EYS: variants seen among roughly 807,000 people sequenced by gnomAD.
The protein encoded by EYS is EGF-like photoreceptor maintenance factor.
EYS carries 250 observed loss-of-function variants against 282.1 expected under a neutral mutation model. That is an observed-to-expected ratio of 0.89 (90% CI 0.80 to 0.98). The LOEUF (loss-of-function observed/expected upper bound fraction) is 0.98, where lower values mean the gene tolerates loss of function less well. Among genes scored for constraint, EYS ranks in the 50% least tolerant of loss-of-function variants. The pLI, the probability that EYS is intolerant of heterozygous loss-of-function variation, is 0.00. For synonymous variants in EYS, 1,355 were observed against 1,282.9 expected, an observed-to-expected ratio of 1.06 and a Z score of -1.20; for missense variants, 4,016 against 3,709.0, an observed-to-expected ratio of 1.08 and a Z score of -2.15.
chr6:63,808,136 C>T (rs1168979654), intron 36 of EYS, among the ~76,000 whole-genome samples: 2 of 152,132 alleles, frequency 1.3e-5, no homozygotes, highest in Non-Finnish European at 2.9e-5. Context: ...AAGCACTAGT[C>T]ACTCAAGGGA....
At chr6:64,500,043 T>A (rs1776991055) in intron 26 of EYS, among the ~76,000 whole-genome samples, 1 of 152,044 alleles carries the variant, frequency 6.6e-6, no homozygotes. Context: ...CAAATTTATA[T>A]GGGGTATAAA....
chr6:63,993,088 C>T (rs1465641899), intron 34 of EYS, among the ~76,000 whole-genome samples: 1 of 151,728 alleles, frequency 6.6e-6, no homozygotes, highest in African/African-American at 2.4e-5. Flanking sequence ...AGATAACAAT[C>T]ACAGGATCAT....
chr6:65,623,660 G>T (rs567034800), intron 2 of EYS, among the ~76,000 whole-genome samples: 1 of 152,266 alleles, frequency 6.6e-6, no homozygotes, highest in South Asian at 2.1e-4. Context: ...AATCAGTTCA[G>T]TTCAGAGTCT....
At chr6:65,564,603 C>T (rs1208532121) in intron 2 of EYS, among the ~76,000 whole-genome samples, 1 of 152,116 alleles carries the variant, frequency 6.6e-6, no homozygotes. Context: ...CCCTTCCTTA[C>T]ACCTTATACA....
intron 22 of EYS, among the ~76,000 whole-genome samples, chr6:64,722,302 T>A (rs932245107): frequency 6.6e-6 from 1 of 151,930 alleles, no homozygotes. Flanking sequence ...GAAATCAGAA[T>A]CCTGGGCAGT....
chr6:65,227,052 T>C (rs888066081), intron 12 of EYS, among the ~76,000 whole-genome samples: 3 of 151,144 alleles, frequency 2.0e-5, no homozygotes, highest in African/African-American at 7.3e-5. Flanking sequence ...CTGATCAAAA[T>C]AGAGAATCCC....
intron 31 of EYS, among the ~76,000 whole-genome samples, chr6:64,116,206 G>T (rs1457785654): frequency 6.6e-6 from 1 of 152,026 alleles, no homozygotes; most frequent in Middle Eastern, 3.2e-3. Context: ...GTCATTTGAA[G>T]ACGTCCAAAA....
intron 30 of EYS, among the ~76,000 whole-genome samples, chr6:64,237,321 G>T (rs1582467313): frequency 6.6e-6 from 1 of 152,138 alleles, no homozygotes; most frequent in East Asian, 1.9e-4. Context: ...AACCCCTTTT[G>T]CAGGTAATGT....
intron 30 of EYS, among the ~76,000 whole-genome samples, chr6:64,281,598 A>G (rs888640666): frequency 4.6e-5 from 7 of 152,112 alleles, no homozygotes; most frequent in Non-Finnish European, 7.4e-5. Flanking sequence ...CATTGACTTG[A>G]CATTTTCAAA....
At chr6:65,055,121 A>G (rs1450836131) in intron 13 of EYS, among the ~76,000 whole-genome samples, 1 of 152,054 alleles carries the variant, frequency 6.6e-6, no homozygotes, top group African/African-American at 2.4e-5. Flanking sequence ...AGCTAGGACC[A>G]CAAGCATGCC....
intron 31 of EYS, among the ~76,000 whole-genome samples, chr6:64,129,119 G>T (rs1773881634): frequency 6.6e-6 from 1 of 152,186 alleles, no homozygotes. Flanking sequence ...CAGCACAGTT[G>T]AGTAGTTGGA....
rs201076128 is a variant in EYS at position 65,495,031 on chromosome 6, C to T, written c.380G>A (p.Gly127Asp). 4.3e-6 allele frequency: 7 copies of T among 1,614,136 alleles called. No individual in the cohort carries two copies. Among genetic ancestry groups the T allele is most frequent in the Non-Finnish European group, 5.9e-6 (7 of 1,180,024 alleles). ...AGTGTGCATTCCTTTTAGTCTGCAG[C>T]CAAAAAGTAACTGATCTTCCGTTGT... Reference protein sequence around the residue: ...NTTTEDQLLFGCRLKGMHTVN... With the variant: ...NTTTEDQLLFDCRLKGMHTVN... Residue 127 changes from glycine (G) to aspartate (D), a missense_variant, in exon 4 of 43, where the codon GGC (glycine) becomes GAC (aspartate). Coordinates refer to ENST00000503581, the MANE Select transcript of EYS (RefSeq NM_001142800.2).
chr6:64,448,968 C>T (rs9359933), intron 26 of EYS, among the ~76,000 whole-genome samples: 42,193 of 152,056 alleles, frequency 0.28, 5,991 homozygotes, highest in East Asian at 0.47. Context: ...TCCAAAGGAA[C>T]GCAGCTCCTC....
At chr6:65,247,394 C>T (rs1450183909) in intron 12 of EYS, among the ~76,000 whole-genome samples, 1 of 151,986 alleles carries the variant, frequency 6.6e-6, no homozygotes, top group African/African-American at 2.4e-5. Flanking sequence ...CATTCCTATA[C>T]CTAATCTTTT....
intron 22 of EYS, among the ~76,000 whole-genome samples, chr6:64,648,151 C>T (rs558339964): frequency 1.3e-4 from 20 of 152,196 alleles, no homozygotes; most frequent in African/African-American, 4.3e-4. Context: ...TGATGGCTGG[C>T]ACTGATGTTA....
intron 32 of EYS, among the ~76,000 whole-genome samples, chr6:64,077,796 G>T (rs987259213): frequency 6.6e-6 from 1 of 151,956 alleles, no homozygotes; most frequent in African/African-American, 2.4e-5. Flanking sequence ...TTCTGAAAGT[G>T]CACCTAAAGA....
At chr6:64,868,205 A>G (rs1766483995) in intron 19 of EYS, among the ~76,000 whole-genome samples, 1 of 151,494 alleles carries the variant, frequency 6.6e-6, no homozygotes, top group Non-Finnish European at 1.5e-5. Flanking sequence ...TTAAATACTT[A>G]TTGAACCCTT....
At chr6:64,963,135 T>G (rs1769980676) in intron 14 of EYS, among the ~76,000 whole-genome samples, 1 of 152,204 alleles carries the variant, frequency 6.6e-6, no homozygotes, top group South Asian at 2.1e-4. Context: ...CTAGGTGTAG[T>G]AAGCTAGTGT....
At chr6:65,706,635 T>C (rs1026649458) in intron 1 of EYS, among the ~76,000 whole-genome samples, 5 of 152,164 alleles carry the variant, frequency 3.3e-5, no homozygotes, top group Non-Finnish European at 5.9e-5. Flanking sequence ...GAAAAAAATG[T>C]TGATCATTAA....
Sources: allele counts gnomAD v4.1 joint callset (sites outside exome capture counted in the v4.1 genomes callset), GRCh38; gene constraint gnomAD v4.1.1; transcripts MANE v1.5; gene names NCBI Gene and HGNC (gene_info 2026-07-23, HGNC 2026-07-21).